Variants in GABRG2 observed in about 807,000 individuals in gnomAD.
GABRG2 encodes the protein gamma-aminobutyric acid type A receptor subunit gamma2, also known as gamma-aminobutyric acid receptor subunit gamma-2.
Under a neutral mutation model 56.4 loss-of-function variants are expected in GABRG2, and 16 were observed. That is an observed-to-expected ratio of 0.28 (90% CI 0.19 to 0.43). The LOEUF (loss-of-function observed/expected upper bound fraction) is 0.43. Among genes scored for constraint, GABRG2 ranks in the 20% least tolerant of loss-of-function variants. The probability of loss-of-function intolerance (pLI) is 1.00; values close to 1 mark genes in which losing one functional copy is unlikely to be tolerated. For synonymous variants in GABRG2, 208 were observed against 205.5 expected, an observed-to-expected ratio of 1.01 and a Z score of -0.10; for missense variants, 327 against 582.7, an observed-to-expected ratio of 0.56 and a Z score of 4.52.
intron 5 of GABRG2, chr5:162,103,220 A>T (rs528880051): frequency 6.5e-6 from 1 of 154,154 alleles, no homozygotes; most frequent in South Asian, 2.0e-4. Context: ...AATGGTACTC[A>T]TAACCACTAC....
intron 2 of GABRG2, chr5:162,094,844 C>A (rs377121149): frequency 6.6e-6 from 1 of 152,280 alleles, no homozygotes; most frequent in South Asian, 2.1e-4. Flanking sequence ...TATTATACTA[C>A]AGATTTTTAA....
At chr5:162,095,001 G>A (rs1422007767) in intron 2 of GABRG2, among the ~76,000 whole-genome samples, 1 of 152,048 alleles carries the variant, frequency 6.6e-6, no homozygotes, top group African/African-American at 2.4e-5. Context: ...GGTCATTAAA[G>A]GAATCAACAG....
Position 162,153,326 on chromosome 5 carries a change from C to T in GABRG2, c.1386C>T (p.Cys462=). 1 of 1,613,958 alleles carries T rather than the reference C, an allele frequency of 6.2e-7. No individual in the cohort carries two copies. Residue 462 remains cysteine, a synonymous_variant, in exon 10 of 10, where the codon TGC becomes TGT. Transcript: ENST00000639213. The part of the protein sequence containing the change: ...YARIFFPTAF[C]LFNLVYWVSY... ...GGATCTTCTTCCCCACTGCCTTCTG[C>T]CTGTTTAATCTGGTCTATTGGGTCT... is the stretch of plus-strand genomic sequence containing the variant.
chr5:162,114,700 G>C (rs1199836928), intron 6 of GABRG2, among the ~76,000 whole-genome samples: 1 of 152,086 alleles, frequency 6.6e-6, no homozygotes, highest in Non-Finnish European at 1.5e-5. Context: ...TGTCAATCTA[G>C]ATCTCACCTT....
intron 1 of GABRG2, 75 bp downstream of exon 1, chr5:162,068,181 G>A (rs1758372531): frequency 2.1e-6 from 2 of 962,108 alleles, no homozygotes; most frequent in Non-Finnish European, 1.7e-6. Context: ...TAACTCGGGA[G>A]ACCACCCAGA....
intron 1 of GABRG2, among the ~76,000 whole-genome samples, chr5:162,090,235 A>T (rs560519049): frequency 6.6e-6 from 1 of 152,178 alleles, no homozygotes; most frequent in African/African-American, 2.4e-5. Flanking sequence ...ATTTAAAAAA[A>T]ACCCATCCCA....
At chr5:162,149,912 C>T in intron 8 of GABRG2, 1 of 236,646 alleles carries the variant, frequency 4.2e-6, no homozygotes, top group Non-Finnish European at 8.5e-6. Context: ...CTGCGCCTGG[C>T]CATGATAATA....
chr5:162,089,791 A>G (rs1365188172), intron 1 of GABRG2, among the ~76,000 whole-genome samples: 1 of 152,094 alleles, frequency 6.6e-6, no homozygotes, highest in Non-Finnish European at 1.5e-5. Flanking sequence ...TCTCATCCAA[A>G]TATTTGCTGT....
chr5:162,116,792 A>T (rs1490408262), intron 6 of GABRG2, among the ~76,000 whole-genome samples: 1 of 150,536 alleles, frequency 6.6e-6, no homozygotes, highest in East Asian at 1.9e-4. Context: ...GGCAGGCAAT[A>T]CTCTGTGACA....
intron 6 of GABRG2, among the ~76,000 whole-genome samples, chr5:162,122,849 G>A (rs963158467): frequency 7.3e-5 from 11 of 151,124 alleles, no homozygotes; most frequent in African/African-American, 1.2e-4. Flanking sequence ...ACTTTGTAAA[G>A]CAAATAAGAA....
In GABRG2 at chr5:162,152,801, T is replaced by C. The variant is rs1581461961; in HGVS notation, c.1153-292T>C. The C allele has an allele frequency of 6.8e-6, 4 of 590,166 alleles. No homozygotes were observed. In the East Asian group the frequency reaches 8.3e-5, roughly 12 times the overall value. 36.6% of individuals were successfully genotyped at this position (590,166 alleles called of 1,614,324 possible). Reference sequence around the variant, plus strand: ...TAATACTTACTAGAATAAGATTCCATGTAATTTGATTTAAATATTTAACTT... The same window carrying C: ...TAATACTTACTAGAATAAGATTCCACGTAATTTGATTTAAATATTTAACTT... On this transcript the variant is annotated intron_variant, in intron 9 of 9. Transcript: ENST00000639213.
chr5:162,138,824 G>A (rs1764333601), intron 6 of GABRG2, among the ~76,000 whole-genome samples: 1 of 152,074 alleles, frequency 6.6e-6, no homozygotes, highest in Non-Finnish European at 1.5e-5. Context: ...CACATAGTAG[G>A]CTTTCATGAC....
chr5:162,122,571 T>A (rs1581402662), intron 6 of GABRG2, among the ~76,000 whole-genome samples: 1 of 151,840 alleles, frequency 6.6e-6, no homozygotes, highest in East Asian at 1.9e-4. Context: ...GTTTTATACT[T>A]CAGATTATTT....
intron 6 of GABRG2, among the ~76,000 whole-genome samples, chr5:162,129,699 G>GA (rs1226222711): frequency 1.3e-5 from 2 of 151,698 alleles, no homozygotes; most frequent in African/African-American, 4.8e-5. Flanking sequence ...GTCAAACTAA[G>GA]AAATAACAGG....
intron 1 of GABRG2, among the ~76,000 whole-genome samples, chr5:162,076,180 TAA>T (rs1464091310): frequency 6.6e-6 from 1 of 152,046 alleles, no homozygotes; most frequent in African/African-American, 2.4e-5. Context: ...TAATTTTTCT[TAA>T]GTTTATTTTG....
At chr5:162,075,164 A>C (rs1180966573) in intron 1 of GABRG2, among the ~76,000 whole-genome samples, 2 of 152,176 alleles carry the variant, frequency 1.3e-5, no homozygotes, top group East Asian at 3.9e-4. Context: ...ATTCCTTCTT[A>C]GCAGTGTACC....
chr5:162,118,186 G>A (rs1762750802), intron 6 of GABRG2, among the ~76,000 whole-genome samples: 1 of 148,192 alleles, frequency 6.7e-6, no homozygotes, highest in Admixed American at 6.9e-5. Flanking sequence ...AACTATTGCT[G>A]TTCATAGAGG....
intron 1 of GABRG2, among the ~76,000 whole-genome samples, chr5:162,087,147 T>G (rs1760185037): frequency 6.6e-6 from 1 of 152,044 alleles, no homozygotes; most frequent in Non-Finnish European, 1.5e-5. Flanking sequence ...GAAAATGGAC[T>G]CTAATGATAA....
At chr5:162,123,583 C>T (rs1188673868) in intron 6 of GABRG2, among the ~76,000 whole-genome samples, 2 of 151,818 alleles carry the variant, frequency 1.3e-5, no homozygotes, top group South Asian at 4.1e-4. Context: ...AAGTGTGTGT[C>T]TGTTTACATA....
Sources: gnomAD v4.1 joint callset for allele counts (sites outside exome capture counted in the v4.1 genomes callset) on GRCh38, gnomAD v4.1.1 for gene constraint, MANE v1.5 for transcripts, NCBI Gene and HGNC (gene_info 2026-07-23, HGNC 2026-07-21) for gene names.